DIP2B: variants seen among roughly 807,000 people sequenced by gnomAD.
The protein encoded by DIP2B is DIP2 acetate--CoA ligase B (putative), also known as disco-interacting protein 2 homolog B.
In DIP2B, 76 loss-of-function variants were observed where a neutral mutation model predicts 198.0. The ratio of observed to expected loss-of-function variants is 0.38; its 90% CI spans 0.32 to 0.46. The LOEUF (loss-of-function observed/expected upper bound fraction) is 0.46, where lower values mean the gene tolerates loss of function less well. DIP2B is among the 20% of genes least tolerant of loss of function. The probability of loss-of-function intolerance (pLI) is 0.99; values close to 1 mark genes in which losing one functional copy is unlikely to be tolerated. For missense variants in DIP2B, 1,559 were observed against 1,978.4 expected (o/e 0.79, Z 4.02); for synonymous variants, 701 against 739.1 (o/e 0.95, Z 0.84).
chr12:50,722,083 C>T (rs976274755), intron 26 of DIP2B, among the ~76,000 whole-genome samples: 38 of 151,758 alleles, frequency 2.5e-4, no homozygotes, highest in African/African-American at 9.2e-4. Flanking sequence ...AAGAGGGGTT[C>T]AGAATTATTT....
At chr12:50,724,944 C>G (rs1256754671) in intron 28 of DIP2B, 58 bp downstream of exon 28, 13 of 1,516,408 alleles carry the variant, frequency 8.6e-6, no homozygotes, top group Non-Finnish European at 1.2e-5. Flanking sequence ...TACCTGAGAT[C>G]TCCTCCATTC....
chr12:50,619,512 C>T (rs979921631), intron 1 of DIP2B, among the ~76,000 whole-genome samples: 3 of 152,156 alleles, frequency 2.0e-5, no homozygotes, highest in African/African-American at 7.2e-5. Flanking sequence ...AGGCCAAGAT[C>T]GTGATGCTTC....
In DIP2B at chr12:50,737,016, A is replaced by C. The variant is rs961931447; in HGVS notation, c.4102-20A>C. On this transcript the variant is annotated intron_variant, in intron 34 of 37. Transcript: ENST00000301180. The stretch of plus-strand genomic sequence containing the variant: ...AGATTTCACTGAACTCAATCTTTGT[A>C]TTTTCCCTTTGATTCTTAGATTTTA... The C allele has an allele frequency of 1.9e-6, 3 of 1,611,274 alleles. No individual in the cohort carries two copies. The African/African-American group carries it at 4.0e-5, about 22-fold the overall frequency.
chr12:50,536,365 AG>A (rs1275313174), intron 1 of DIP2B, among the ~76,000 whole-genome samples: 2 of 152,130 alleles, frequency 1.3e-5, no homozygotes, highest in African/African-American at 4.8e-5. Context: ...GGATTGCTTG[AG>A]CCCAGGAGGG....
rs1247128203 is a variant in DIP2B at position 50,680,623 on chromosome 12, C to G, written c.1115-49C>G. On this transcript the variant is annotated intron_variant, in intron 8 of 37. Coordinates refer to ENST00000301180, the MANE Select transcript of DIP2B (RefSeq NM_173602.3). ...CTGAATGTTCTTTCATTGAGGTAGA[C>G]CTGTTTTTTTTTCTATATGACTGTT... 2.6e-6 allele frequency: 4 copies of G among 1,535,818 alleles called. No individual in the cohort carries two copies. In the African/African-American group the frequency reaches 5.5e-5, roughly 21 times the overall value.
intron 19 of DIP2B, among the ~76,000 whole-genome samples, chr12:50,701,920 A>G (rs1939424338): frequency 6.6e-6 from 1 of 152,152 alleles, no homozygotes. Flanking sequence ...ACTGATAAGC[A>G]TTTAGTGTTG....
At chr12:50,650,644 A>T (rs527749574) in intron 3 of DIP2B, among the ~76,000 whole-genome samples, 12 of 152,238 alleles carry the variant, frequency 7.9e-5, no homozygotes, top group African/African-American at 2.9e-4. Context: ...GGATTCCCTT[A>T]TTTTTTTAAG....
chr12:50,510,845 A>G (rs923689780), intron 1 of DIP2B, among the ~76,000 whole-genome samples: 1 of 150,472 alleles, frequency 6.6e-6, no homozygotes, highest in Non-Finnish European at 1.5e-5. Context: ...GGGTTTCCCT[A>G]TGTTGGTCAG....
At chr12:50,539,878 G>C (rs1459370261) in intron 1 of DIP2B, among the ~76,000 whole-genome samples, 1 of 151,840 alleles carries the variant, frequency 6.6e-6, no homozygotes, top group African/African-American at 2.4e-5. Context: ...TCTATGAGTG[G>C]AATCATGCTG....
chr12:50,711,383 G>A (rs1939611369), intron 22 of DIP2B, among the ~76,000 whole-genome samples: 2 of 152,192 alleles, frequency 1.3e-5, no homozygotes, highest in South Asian at 4.1e-4. Flanking sequence ...TTTTAATGAG[G>A]AATTCAGGCT....
chr12:50,610,657 C>T (rs769950241), intron 1 of DIP2B, among the ~76,000 whole-genome samples: 10 of 152,144 alleles, frequency 6.6e-5, no homozygotes, highest in Admixed American at 4.6e-4. Flanking sequence ...AGGCGCCCGC[C>T]GCCATGCCCG....
At chr12:50,520,328 A>G (rs750695432) in intron 1 of DIP2B, among the ~76,000 whole-genome samples, 6 of 151,964 alleles carry the variant, frequency 3.9e-5, no homozygotes, top group Non-Finnish European at 8.8e-5. Context: ...GAGCCACCGT[A>G]CCCGGCCTGA....
At chr12:50,660,974 A>G (rs1263428831) in intron 4 of DIP2B, among the ~76,000 whole-genome samples, 1 of 152,148 alleles carries the variant, frequency 6.6e-6, no homozygotes, top group East Asian at 1.9e-4. Context: ...TTCAATCCTT[A>G]TGCTCCCTAA....
At chr12:50,605,454 T>C (rs1355209883) in intron 1 of DIP2B, among the ~76,000 whole-genome samples, 1 of 152,080 alleles carries the variant, frequency 6.6e-6, no homozygotes, top group African/African-American at 2.4e-5. Context: ...GTCCCGCTAC[T>C]GGGGAGGCTG....
chr12:50,671,465 G>A, intron 5 of DIP2B, 67 bp downstream of exon 5: 1 of 1,528,866 alleles, frequency 6.5e-7, no homozygotes, highest in East Asian at 2.3e-5. Flanking sequence ...CCAGGAAATA[G>A]TTTATGGTTT....
intron 1 of DIP2B, among the ~76,000 whole-genome samples, chr12:50,531,211 A>G (rs941799349): frequency 2.6e-5 from 4 of 152,084 alleles, no homozygotes; most frequent in Non-Finnish European, 5.9e-5. Context: ...ACGCCTGGCT[A>G]ATTTTTTTTT....
chr12:50,724,730 G>A, intron 27 of DIP2B, 45 bp from the exon 28 acceptor site: 1 of 1,573,056 alleles, frequency 6.4e-7, no homozygotes, highest in Non-Finnish European at 8.7e-7. Context: ...GTGCCATGTT[G>A]GGGCTGAGCC....
chr12:50,653,236 G>A (rs912575700), intron 3 of DIP2B, among the ~76,000 whole-genome samples: 4 of 150,022 alleles, frequency 2.7e-5, no homozygotes, highest in South Asian at 2.1e-4. Flanking sequence ...TTCATGATTC[G>A]GTCTTGTTAG....
intron 1 of DIP2B, among the ~76,000 whole-genome samples, chr12:50,549,845 T>G (rs1052972459): frequency 1.3e-5 from 2 of 152,180 alleles, no homozygotes; most frequent in Non-Finnish European, 2.9e-5. Context: ...AAAATTATGT[T>G]TCATTCTGTT....
Sources: allele counts gnomAD v4.1 joint callset (sites outside exome capture counted in the v4.1 genomes callset), GRCh38; gene constraint gnomAD v4.1.1; transcripts MANE v1.5; gene names NCBI Gene and HGNC (gene_info 2026-07-23, HGNC 2026-07-21).